Variants in CFAP299 observed in about 807,000 individuals in gnomAD.
CFAP299 encodes cilia- and flagella-associated protein 299.
In CFAP299, 21 loss-of-function variants were observed where a neutral mutation model predicts 27.0. That is an observed-to-expected ratio of 0.78 (90% CI 0.55 to 1.12). The LOEUF is 1.12. Ranked by LOEUF, CFAP299 falls within the 50% of genes most tolerant of loss-of-function variation. The probability of loss-of-function intolerance (pLI) is 0.00; values close to 1 mark genes in which losing one functional copy is unlikely to be tolerated. For missense variants in CFAP299, 310 were observed against 276.6 expected, an observed-to-expected ratio of 1.12 and a Z score of -0.86; for synonymous variants, 104 against 98.1, an observed-to-expected ratio of 1.06 and a Z score of -0.36.
intron 3 of CFAP299, among the ~76,000 whole-genome samples, chr4:80,679,915 T>C (rs1719730497): frequency 6.6e-6 from 1 of 152,096 alleles, no homozygotes; most frequent in Non-Finnish European, 1.5e-5. Context: ...TCTTAACATA[T>C]GTTTCATAGA....
chr4:80,393,137 A>G (rs1725583345), intron 2 of CFAP299, among the ~76,000 whole-genome samples: 1 of 152,200 alleles, frequency 6.6e-6, no homozygotes, highest in Non-Finnish European at 1.5e-5. Context: ...AAAAAGTTTT[A>G]AAAGCAAAAA....
chr4:80,628,771 T>C (rs1480778619), intron 3 of CFAP299, among the ~76,000 whole-genome samples: 4 of 152,004 alleles, frequency 2.6e-5, no homozygotes, highest in Non-Finnish European at 4.4e-5. Context: ...AAAAACACAA[T>C]GAGATATTAC....
At chr4:80,602,732 GC>G (rs1737421881) in intron 3 of CFAP299, among the ~76,000 whole-genome samples, 1 of 152,036 alleles carries the variant, frequency 6.6e-6, no homozygotes, top group Non-Finnish European at 1.5e-5. Flanking sequence ...GGGCCCAGAG[GC>G]TTCCACTTTC....
chr4:80,609,063 T>A (rs184206820), intron 3 of CFAP299, among the ~76,000 whole-genome samples: 472 of 152,224 alleles, frequency 3.1e-3, no homozygotes, highest in Middle Eastern at 6.8e-3. Flanking sequence ...AAGTCAAGGT[T>A]ATAACTCAAT....
chr4:80,957,971 C>T (rs1738150394), intron 5 of CFAP299, among the ~76,000 whole-genome samples: 1 of 152,078 alleles, frequency 6.6e-6, no homozygotes, highest in Non-Finnish European at 1.5e-5. Context: ...TAAGGCTATA[C>T]AATTTTGAAC....
At chr4:80,390,540 T>C (rs565207104) in intron 2 of CFAP299, among the ~76,000 whole-genome samples, 2 of 57,466 alleles carry the variant, frequency 3.5e-5, no homozygotes, top group African/African-American at 7.0e-5. Context: ...TATATATGTA[T>C]ACACACATAT....
intron 3 of CFAP299, among the ~76,000 whole-genome samples, chr4:80,854,443 A>G (rs1731707790): frequency 6.6e-6 from 1 of 152,004 alleles, no homozygotes; most frequent in Non-Finnish European, 1.5e-5. Flanking sequence ...TAATGAACTT[A>G]CACAAGGTAA....
chr4:80,908,782 G>A (rs1308197461), intron 4 of CFAP299, among the ~76,000 whole-genome samples: 2 of 152,138 alleles, frequency 1.3e-5, no homozygotes, highest in African/African-American at 2.4e-5. Flanking sequence ...GTTAAAGTGA[G>A]TGCAAATGCT....
intron 2 of CFAP299, among the ~76,000 whole-genome samples, chr4:80,493,391 A>G (rs888158198): frequency 6.6e-6 from 1 of 152,144 alleles, no homozygotes; most frequent in African/African-American, 2.4e-5. Flanking sequence ...CTAGGGTTAG[A>G]TCTCACAGGC....
rs150509048 is a variant in CFAP299, at chr4:80,342,541, A to G, written c.111+6662A>G. 5.7e-3 allele frequency among the ~76,000 whole-genome samples: 872 copies of G among 152,354 alleles called. 14 individuals carry two copies. The highest frequency in any genetic ancestry group is 0.02 in the African/African-American group (829 of 41,570). ...AACATTCTTCAAGAAAAGAATTTCC[A>G]ATCTAGAATTTCATTTCCAGCCAAG... On this transcript the variant is annotated intron_variant, in intron 1 of 5. Coordinates refer to ENST00000358105, the MANE Select transcript of CFAP299 (RefSeq NM_152770.3).
rs1725094910 is a variant in CFAP299, at chr4:80,387,743, G to T, written c.242+24859G>T. ...TTCTCACCTGTGTGGCTTCAGATGT[G>T]CTGCTGCAGGTCGAAGTTTTTGGTG... On this transcript the variant is annotated intron_variant, in intron 2 of 5. Coordinates refer to ENST00000358105, the MANE Select transcript of CFAP299 (RefSeq NM_152770.3). The T allele has an allele frequency of 8.8e-6, 14 of 1,586,320 alleles. No individual in the cohort carries two copies. In the South Asian group the frequency reaches 1.4e-4, roughly 16 times the overall value.
intron 2 of CFAP299, among the ~76,000 whole-genome samples, chr4:80,564,842 A>G (rs1014330229): frequency 3.3e-5 from 5 of 152,074 alleles, no homozygotes; most frequent in African/African-American, 7.2e-5. Flanking sequence ...TACAAAAGTC[A>G]GCAACCTTCC....
At chr4:80,655,708 A>G (rs181714828) in intron 3 of CFAP299, among the ~76,000 whole-genome samples, 51 of 152,322 alleles carry the variant, frequency 3.3e-4, no homozygotes, top group African/African-American at 1.2e-3. Context: ...GATTAGGCAC[A>G]AAAGAAGCCC....
chr4:80,840,524 C>T (rs1268972032), intron 3 of CFAP299, among the ~76,000 whole-genome samples: 1 of 151,984 alleles, frequency 6.6e-6, no homozygotes, highest in African/African-American at 2.4e-5. Flanking sequence ...ATCTTCAGAT[C>T]ACAATTTTCT....
intron 4 of CFAP299, among the ~76,000 whole-genome samples, chr4:80,933,171 T>C (rs1333050082): frequency 6.6e-6 from 1 of 151,910 alleles, no homozygotes; most frequent in Non-Finnish European, 1.5e-5. Context: ...CTTTCCTTTC[T>C]TTCTTTCTTT....
intron 3 of CFAP299, among the ~76,000 whole-genome samples, chr4:80,615,732 T>C (rs556671876): frequency 1.3e-5 from 2 of 152,306 alleles, no homozygotes; most frequent in Admixed American, 6.5e-5. Flanking sequence ...TTTAGCAAGA[T>C]AGTTAAGAAG....
rs1419880241 is a variant in CFAP299, at chr4:80,799,559, TA to T, written c.334-70432del. Among the ~76,000 whole-genome samples, 316 of 74,486 alleles carry T rather than the reference TA, an allele frequency of 4.2e-3. 12 individuals carry two copies. Among genetic ancestry groups the T allele is most frequent in the African/African-American group, 0.016 (275 of 17,442 alleles). 48.9% of individuals were successfully genotyped at this position (74,486 alleles called of 152,430 possible). A position where few individuals can be genotyped will look rare whatever the true frequency, so the allele number is the denominator to read the frequency against. ...ATTTAATACATATATATAATATATT[TA>T]ATAAATATATATATTTATAAAATAT... On this transcript the variant is annotated intron_variant, in intron 3 of 5. Transcript: ENST00000358105.
chr4:80,482,811 T>C (rs1008614155), intron 2 of CFAP299, among the ~76,000 whole-genome samples: 14 of 152,222 alleles, frequency 9.2e-5, no homozygotes, highest in Non-Finnish European at 1.6e-4. Flanking sequence ...GGTCTCTTGC[T>C]GAACGCTAGG....
chr4:80,871,356 A>G (rs530179506), intron 4 of CFAP299: 49 of 985,396 alleles, frequency 5.0e-5, no homozygotes, highest in Middle Eastern at 1.0e-3. Flanking sequence ...CAATCGATCC[A>G]CACATTTTTT....
Sources: gnomAD v4.1 joint callset for allele counts (sites outside exome capture counted in the v4.1 genomes callset) on GRCh38, gnomAD v4.1.1 for gene constraint, MANE v1.5 for transcripts, NCBI Gene and HGNC (gene_info 2026-07-23, HGNC 2026-07-21) for gene names.